The following KIF17 variants were observed in gnomAD, a reference collection of about 807,000 sequenced individuals.
The protein encoded by KIF17 is kinesin family member 17, also known as kinesin-like protein KIF17.
In KIF17, 80 loss-of-function variants were observed where a neutral mutation model predicts 96.8. That is an observed-to-expected ratio of 0.83 (90% CI 0.69 to 1.00). The LOEUF (loss-of-function observed/expected upper bound fraction) is 1.00. Ranked by LOEUF, KIF17 falls within the 50% of genes least tolerant of loss-of-function variation. The probability of loss-of-function intolerance (pLI) is 0.00; values close to 1 mark genes in which losing one functional copy is unlikely to be tolerated. For synonymous variants in KIF17, 567 were observed against 587.5 expected, an observed-to-expected ratio of 0.97 and a Z score of 0.51; for missense variants, 1,280 against 1,372.9, an observed-to-expected ratio of 0.93 and a Z score of 1.07.
At chr1:20,711,973 C>A (rs1164224406) in intron 3 of KIF17, among the ~76,000 whole-genome samples, 1 of 152,138 alleles carries the variant, frequency 6.6e-6, no homozygotes, top group African/African-American at 2.4e-5. Flanking sequence ...GCACATCCTC[C>A]ACGAGGGAGC....
At position 20,684,980 on chromosome 1, in the gene KIF17, C is replaced by T. The variant is rs779582888; in HGVS notation, c.2060G>A (p.Arg687Gln). ...LASEVALEVVRTAEPGVWLEA... is the reference protein window; with the variant it reads ...LASEVALEVVQTAEPGVWLEA... ...CAACCACACGCCAGGCTCTGCTGTC[C>T]GCACCACCTCTAAGGCCACTTCCGA... The change falls in exon 10 of 15, where the codon CGG (arginine) becomes CAG (glutamine). Residue 687 changes from arginine (R) to glutamine (Q), a missense_variant. By Grantham distance (43) the Arg-to-Gln change is conservative. Transcript: ENST00000400463. 67 of 1,605,590 alleles carry T rather than the reference C, an allele frequency of 4.2e-5. No individual in the cohort carries two copies. In the South Asian group the frequency reaches 5.1e-4, roughly 12 times the overall value.
chr1:20,706,796 G>A (rs1236857828), intron 4 of KIF17, among the ~76,000 whole-genome samples: 1 of 151,870 alleles, frequency 6.6e-6, no homozygotes, highest in Non-Finnish European at 1.5e-5. Context: ...GGCTGAGGTG[G>A]GATGATCACC....
downstream of KIF17, among the ~76,000 whole-genome samples, chr1:20,661,697 C>T (rs972030466): frequency 6.6e-6 from 1 of 152,248 alleles, no homozygotes; most frequent in African/African-American, 2.4e-5. Context: ...AGTCTGGAGC[C>T]CACTTCCCTC....
intron 14 of KIF17, among the ~76,000 whole-genome samples, chr1:20,665,871 A>ACTCG (rs1451968133): frequency 1.3e-5 from 2 of 152,096 alleles, no homozygotes; most frequent in Admixed American, 6.5e-5. Flanking sequence ...CTGGCGTGTG[A>ACTCG]CTCGCCAGGA....
chr1:20,691,248 C>T (rs2054034731), intron 6 of KIF17, among the ~76,000 whole-genome samples: 1 of 151,114 alleles, frequency 6.6e-6, no homozygotes, highest in African/African-American at 2.4e-5. Context: ...GCCGAGATCA[C>T]ACCACTGCAC....
In KIF17 at chr1:20,684,989, T is replaced by C. The variant is rs1357587938; in HGVS notation, c.2051A>G (p.Glu684Gly). 1 of 1,604,580 alleles carries C rather than the reference T, an allele frequency of 6.2e-7. No homozygotes were observed. Among genetic ancestry groups the C allele is most frequent in the African/African-American group, 1.3e-5 (1 of 74,784 alleles). Residue 684 changes from glutamate to glycine, a missense_variant, in exon 10 of 15, where the codon GAG (glutamate) becomes GGG (glycine). Transcript: ENST00000400463. Reference protein sequence around the residue: ...EVDLASEVALEVVRTAEPGVW... With the variant: ...EVDLASEVALGVVRTAEPGVW... ...GCCAGGCTCTGCTGTCCGCACCACC[T>C]CTAAGGCCACTTCCGAGGCCAGATC... is the stretch of plus-strand genomic sequence containing the variant.
In KIF17 at chr1:20,709,538, C is replaced by G; in HGVS notation, c.670+101G>C. 3 of 1,346,764 alleles carry G rather than the reference C, an allele frequency of 2.2e-6. No individual in the cohort carries two copies. The highest frequency in any genetic ancestry group is 3.2e-6 in the Non-Finnish European group (3 of 942,368). The allele number at this position is 1,346,764 out of a possible 1,614,324, so 83.4% of individuals were successfully genotyped here. ...TCCAGGCTGTTAGAGCATCTCTTCC[C>G]ACTTTCCAGGGGCTCCTGCGGCCCC... On this transcript the variant is annotated intron_variant, in intron 4 of 14. Transcript: ENST00000400463. The surrounding 1 kb of genome is among the most constrained non-coding windows in gnomAD (Gnocchi z 4.7).
chr1:20,683,450 T>C (rs2053868860), intron 10 of KIF17, among the ~76,000 whole-genome samples: 1 of 150,840 alleles, frequency 6.6e-6, no homozygotes, highest in Non-Finnish European at 1.5e-5. Context: ...AGGTCAGGAG[T>C]TTGAGACTAG....
intron 6 of KIF17, among the ~76,000 whole-genome samples, chr1:20,697,721 C>T (rs1489685568): frequency 4.6e-5 from 7 of 152,206 alleles, no homozygotes; most frequent in Admixed American, 6.5e-5. Context: ...ACCAACAGAG[C>T]GTGGAGTCAG....
intron 2 of KIF17, among the ~76,000 whole-genome samples, chr1:20,714,758 T>C (rs1266347844): frequency 2.1e-5 from 3 of 145,492 alleles, no homozygotes; most frequent in Non-Finnish European, 4.5e-5. Context: ...GGTCATGCCA[T>C]TGTACTCCAG....
chr1:20,688,995 A>G (rs1017566802), intron 7 of KIF17, among the ~76,000 whole-genome samples: 2 of 152,154 alleles, frequency 1.3e-5, no homozygotes, highest in Admixed American at 1.3e-4. Context: ...GTTATGTCCC[A>G]GACTCCTGTA....
chr1:20,672,143 C>A lies in KIF17; in HGVS notation c.2517G>T (p.Glu839Asp). ...GGATGGTGGCCAAGTAATCGATCTTCTCCAGCTGAAACTCGGACTGCAGAT... is the reference window on the plus strand; with the variant it reads ...GGATGGTGGCCAAGTAATCGATCTTATCCAGCTGAAACTCGGACTGCAGAT... ...IKDLQSEFQL[E>D]KIDYLATIRR... The change falls in exon 12 of 15, where the codon GAG becomes GAT. Residue 839 changes from glutamate (E) to aspartate (D), a missense_variant. Coordinates refer to ENST00000400463, the MANE Select transcript of KIF17 (RefSeq NM_001122819.3). The surrounding 1 kb of genome is among the most constrained non-coding windows in gnomAD (Gnocchi z 4.3). 6.2e-7 allele frequency: 1 copy of A among 1,614,208 alleles called. No individual in the cohort carries two copies. Among genetic ancestry groups the A allele is most frequent in the Non-Finnish European group, 8.5e-7 (1 of 1,180,040 alleles).
At chr1:20,680,522 A>T (rs1255052578) in intron 11 of KIF17, among the ~76,000 whole-genome samples, 1 of 152,032 alleles carries the variant, frequency 6.6e-6, no homozygotes, top group Non-Finnish European at 1.5e-5. Flanking sequence ...GGTTATGGTG[A>T]GCTATGATCG....
intron 5 of KIF17, among the ~76,000 whole-genome samples, chr1:20,698,874 G>A (rs2054187507): frequency 6.6e-6 from 1 of 152,164 alleles, no homozygotes; most frequent in African/African-American, 2.4e-5. Context: ...ACGTTACAAG[G>A]CGATGTGTAC....
Position 20,682,752 on chromosome 1 carries a change from C to T in KIF17, c.2364G>A (p.Ser788=), listed in dbSNP as rs368058864. 2.4e-5 allele frequency: 38 copies of T among 1,613,210 alleles called. No individual in the cohort carries two copies. Among genetic ancestry groups the T allele is most frequent in the East Asian group, 8.9e-5 (4 of 44,902 alleles). The change falls in exon 11 of 15, where the codon TCG becomes TCA. Residue 788 remains serine (S), a synonymous_variant. Coordinates refer to ENST00000400463, the MANE Select transcript of KIF17 (RefSeq NM_001122819.3). ...GCACCCAGTCCCCGCTGTCCTCATC[C>T]GAGTTCTGCAGGGCAGCCACCAGCT... The part of the protein sequence containing the change: ...RKQLVAALQN[S]DEDSGDWVLL...
In KIF17 at chr1:20,709,931, C is replaced by G; in HGVS notation, c.481-103G>C. On this transcript the variant is annotated intron_variant, in intron 3 of 14. Transcript: ENST00000400463. The surrounding 1 kb of genome is among the most constrained non-coding windows in gnomAD (Gnocchi z 4.7). Reference sequence around the variant, plus strand: ...AGAAGGGCCCCATCCAGACCGCCCTCGCCCTCCTGTAATGCAGGCTGGCAC... The same window carrying G: ...AGAAGGGCCCCATCCAGACCGCCCTGGCCCTCCTGTAATGCAGGCTGGCAC... The G allele has an allele frequency of 9.2e-7, 1 of 1,091,422 alleles. No homozygotes were observed. The highest frequency in any genetic ancestry group is 1.4e-6 in the Non-Finnish European group (1 of 735,464). 67.6% of individuals were successfully genotyped at this position (1,091,422 alleles called of 1,614,324 possible).
chr1:20,690,878 G>A (rs998711120), intron 6 of KIF17, among the ~76,000 whole-genome samples: 30 of 151,858 alleles, frequency 2.0e-4, no homozygotes, highest in African/African-American at 6.5e-4. Flanking sequence ...TAGTAGAGAC[G>A]GGGTTTCACT....
chr1:20,712,134 G>A (rs1462779995), intron 3 of KIF17, among the ~76,000 whole-genome samples: 2 of 152,184 alleles, frequency 1.3e-5, no homozygotes, highest in Non-Finnish European at 2.9e-5. Context: ...CTAGGCCCGG[G>A]TAACTGAGGC....
intron 13 of KIF17, among the ~76,000 whole-genome samples, chr1:20,669,252 G>A (rs545863331): frequency 3.9e-5 from 6 of 152,022 alleles, no homozygotes; most frequent in East Asian, 1.9e-4. Context: ...AAAACACCCC[G>A]CTTAGCTGGG....
Sources: allele counts gnomAD v4.1 joint callset (sites outside exome capture counted in the v4.1 genomes callset), GRCh38; gene constraint gnomAD v4.1.1; non-coding constraint Gnocchi (gnomAD v3.1); transcripts MANE v1.5; gene names NCBI Gene and HGNC (gene_info 2026-07-23, HGNC 2026-07-21).